The following PKIB variants were observed in gnomAD, a reference collection of about 807,000 sequenced individuals.
The protein encoded by PKIB is cAMP-dependent protein kinase inhibitor beta, also known as PKI-beta.
In PKIB, 2 loss-of-function variants were observed where a neutral mutation model predicts 4.5. That is an observed-to-expected ratio of 0.44 (90% CI 0.18 to 1.39). The LOEUF is 1.39. Among genes scored for constraint, PKIB ranks in the 40% most tolerant of loss-of-function variants. The probability of loss-of-function intolerance (pLI) is 0.27; values close to 1 mark genes in which losing one functional copy is unlikely to be tolerated. For synonymous variants in PKIB, 38 were observed against 36.0 expected, an observed-to-expected ratio of 1.06 and a Z score of -0.20; for missense variants, 94 against 92.6, an observed-to-expected ratio of 1.02 and a Z score of -0.06.
intron 3 of PKIB, among the ~76,000 whole-genome samples, chr6:122,590,329 T>G (rs1773979609): frequency 6.6e-6 from 1 of 152,200 alleles, no homozygotes; most frequent in African/African-American, 2.4e-5. Flanking sequence ...CAGGCTCAGA[T>G]GTATCTAAAT....
chr6:122,724,309 G>A (rs1472125979), intron 4 of PKIB, among the ~76,000 whole-genome samples: 1 of 152,118 alleles, frequency 6.6e-6, no homozygotes, highest in African/African-American at 2.4e-5. Flanking sequence ...AGCAAAAATG[G>A]ATAGGATGGG....
At chr6:122,712,235 C>G (rs982411913) in intron 3 of PKIB, among the ~76,000 whole-genome samples, 3 of 152,118 alleles carry the variant, frequency 2.0e-5, no homozygotes, top group Non-Finnish European at 2.9e-5. Context: ...TCACCAGACT[C>G]TGGGTTCCTC....
chr6:122,653,841 C>T (rs1040292543), intron 2 of PKIB, among the ~76,000 whole-genome samples: 2 of 151,958 alleles, frequency 1.3e-5, no homozygotes, highest in Admixed American at 6.6e-5. Flanking sequence ...CACTGTAGTC[C>T]CAACTACTCG....
Position 122,551,347 on chromosome 6 carries a change from T to A in PKIB, c.-247-34574T>A, listed in dbSNP as rs148146901. 2.6e-3 allele frequency among the ~76,000 whole-genome samples: 390 copies of A among 152,306 alleles called. 1 individual carries two copies. Among genetic ancestry groups the A allele is most frequent in the Admixed American group, 4.4e-3 (68 of 15,290 alleles). ...GCACTTTAATTACTAGATGATTTCT[T>A]TGACATTATCTTTCATCAGTACTAT... On this transcript the variant is annotated intron_variant, in intron 2 of 6. Coordinates refer to the PKIB transcript ENST00000392491.
chr6:122,575,724 G>A (rs1187230683), intron 2 of PKIB, among the ~76,000 whole-genome samples: 1 of 152,178 alleles, frequency 6.6e-6, no homozygotes, highest in East Asian at 1.9e-4. Flanking sequence ...CTACAACGAT[G>A]CAAAGGCATA....
At chr6:122,680,339 C>T (rs958128675) in intron 3 of PKIB, among the ~76,000 whole-genome samples, 1 of 152,186 alleles carries the variant, frequency 6.6e-6, no homozygotes. Context: ...CCAGCAAGGT[C>T]TGTCGGTCTA....
At chr6:122,680,864 A>G (rs1777871489) in intron 3 of PKIB, among the ~76,000 whole-genome samples, 1 of 152,156 alleles carries the variant, frequency 6.6e-6, no homozygotes, top group South Asian at 2.1e-4. Context: ...TTGTCATACT[A>G]TTACTTAAAA....
At chr6:122,636,190 A>T (rs1413017039) in intron 2 of PKIB, among the ~76,000 whole-genome samples, 1 of 151,896 alleles carries the variant, frequency 6.6e-6, no homozygotes, top group South Asian at 2.1e-4. Flanking sequence ...CTGAATTAAA[A>T]CTCATGTGGT....
rs559662209 is a variant in PKIB, at chr6:122,491,594, C to T, written c.-248+13655C>T. Among the ~76,000 whole-genome samples, 89 of 152,244 alleles carry T rather than the reference C, an allele frequency of 5.8e-4. 1 individual carries two copies. The highest frequency in any genetic ancestry group is 2.1e-3 in the African/African-American group (87 of 41,552). ...TGTGGCCTTGGGCAAACCAAGTCTT[C>T]CTGAAGAAGTGAACAGCTGAAAGAT... is the stretch of plus-strand genomic sequence containing the variant. On this transcript the variant is annotated intron_variant, in intron 2 of 6. Transcript: ENST00000392491.
intron 2 of PKIB, among the ~76,000 whole-genome samples, chr6:122,651,308 A>T (rs1776544540): frequency 6.6e-6 from 1 of 152,190 alleles, no homozygotes; most frequent in African/African-American, 2.4e-5. Flanking sequence ...TTCGTTTGGT[A>T]TGTAGCACAC....
chr6:122,558,851 C>T lies in PKIB; in HGVS notation c.-247-27070C>T, dbSNP rs148413552. 5.9e-3 allele frequency among the ~76,000 whole-genome samples: 897 copies of T among 152,174 alleles called. 2 individuals are homozygous for T. Among genetic ancestry groups the T allele is most frequent in the Middle Eastern group, 0.014 (4 of 294 alleles). Reference sequence around the variant, plus strand: ...TGTGAGATTTTGGTGCACCCATCACCGGAGCAGTATACATTGCACCATATT... The same window carrying T: ...TGTGAGATTTTGGTGCACCCATCACTGGAGCAGTATACATTGCACCATATT... On this transcript the variant is annotated intron_variant, in intron 2 of 6. Transcript: ENST00000392491.
At chr6:122,515,657 A>T (rs980246987) in intron 2 of PKIB, among the ~76,000 whole-genome samples, 15 of 152,226 alleles carry the variant, frequency 9.9e-5, no homozygotes, top group African/African-American at 3.6e-4. Context: ...TAAGTCAAAA[A>T]TTCTCACTTG....
rs71021419 is a variant in PKIB at position 122,703,941 on chromosome 6, T to TAGAG, written c.-8-13816_-8-13813dup. On this transcript the variant is annotated intron_variant, in intron 3 of 4. Transcript: ENST00000368452. ...ATGTGTGTATATATATATATATATA[T>TAGAG]AGAGAGAGAGAGAGAGAGAGAGAGA... is the stretch of plus-strand genomic sequence containing the variant. Among the ~76,000 whole-genome samples, 608 of 90,750 alleles carry TAGAG rather than the reference T, an allele frequency of 6.7e-3. 3 individuals are homozygous for TAGAG. The highest frequency in any genetic ancestry group is 9.8e-3 in the African/African-American group (255 of 26,066). 59.5% of individuals were successfully genotyped at this position (90,750 alleles called of 152,430 possible).
intron 2 of PKIB, among the ~76,000 whole-genome samples, chr6:122,639,362 T>C (rs1254694853): frequency 3.3e-5 from 5 of 152,228 alleles, no homozygotes. Context: ...AGATTAGCAC[T>C]AATTCTTAGT....
chr6:122,686,163 T>C (rs1305517684), intron 3 of PKIB, among the ~76,000 whole-genome samples: 1 of 152,204 alleles, frequency 6.6e-6, no homozygotes, highest in East Asian at 1.9e-4. Context: ...CTTTGAAGTA[T>C]GTACATTGCA....
chr6:122,569,390 A>G (rs141803244), intron 2 of PKIB, among the ~76,000 whole-genome samples: 129 of 152,264 alleles, frequency 8.5e-4, no homozygotes, highest in African/African-American at 3.0e-3. Context: ...TAGGTAGAAT[A>G]ATACTGTGTC....
At chr6:122,476,083 C>A (rs1775445533) in intron 1 of PKIB, among the ~76,000 whole-genome samples, 1 of 152,112 alleles carries the variant, frequency 6.6e-6, no homozygotes, top group Admixed American at 6.5e-5. Flanking sequence ...CTGCTTAGTT[C>A]TCTTGTCCTT....
At chr6:122,602,510 T>C (rs1399236426) in intron 3 of PKIB, among the ~76,000 whole-genome samples, 1 of 152,214 alleles carries the variant, frequency 6.6e-6, no homozygotes, top group Admixed American at 6.5e-5. Flanking sequence ...TTATTTACTT[T>C]GGATTAATGA....
At chr6:122,530,594 TGA>T (rs1348501269) in intron 2 of PKIB, among the ~76,000 whole-genome samples, 3 of 152,260 alleles carry the variant, frequency 2.0e-5, no homozygotes, top group South Asian at 4.1e-4. Flanking sequence ...ACTTTGCCTA[TGA>T]GCCTAGCTAG....
Sources: allele counts gnomAD v4.1 joint callset (sites outside exome capture counted in the v4.1 genomes callset), GRCh38; gene constraint gnomAD v4.1.1; transcripts MANE v1.5; gene names NCBI Gene and HGNC (gene_info 2026-07-23, HGNC 2026-07-21).